Variants in CLCN3 observed in about 807,000 individuals in gnomAD.
CLCN3 encodes the protein H(+)/Cl(-) exchange transporter 3.
Under a neutral mutation model 83.4 loss-of-function variants are expected in CLCN3, and 16 were observed. The ratio of observed to expected loss-of-function variants is 0.19; its 90% CI spans 0.13 to 0.29. The LOEUF is 0.29. CLCN3 is among the 10% of genes least tolerant of loss of function. The pLI, the probability that CLCN3 is intolerant of heterozygous loss-of-function variation, is 1.00. For synonymous variants in CLCN3, 322 were observed against 346.2 expected (o/e 0.93, Z 0.78); for missense variants, 544 against 1,006.0 (o/e 0.54, Z 6.21).
chr4:169,671,010 T>C (rs1249724644), intron 2 of CLCN3, among the ~76,000 whole-genome samples: 2 of 152,188 alleles, frequency 1.3e-5, no homozygotes, highest in Non-Finnish European at 2.9e-5. Flanking sequence ...GAGTGTAAAT[T>C]AGTTCAACCA....
intron 2 of CLCN3, among the ~76,000 whole-genome samples, chr4:169,640,364 T>TA (rs1730374974): frequency 2.0e-5 from 3 of 152,244 alleles, no homozygotes; most frequent in African/African-American, 7.2e-5. Flanking sequence ...CTGACTTCAG[T>TA]AGATATCTGT....
At chr4:169,643,834 C>G (rs969346691) in intron 2 of CLCN3, among the ~76,000 whole-genome samples, 1 of 152,160 alleles carries the variant, frequency 6.6e-6, no homozygotes, top group African/African-American at 2.4e-5. Flanking sequence ...GTGGTGAATA[C>G]AAGTTTTCCA....
chr4:169,710,968 A>G lies in CLCN3; in HGVS notation c.2150-2111A>G, dbSNP rs186984468. 2.0e-4 allele frequency among the ~76,000 whole-genome samples: 31 copies of G among 152,336 alleles called. No individual in the cohort carries two copies. In the East Asian group the frequency reaches 5.6e-3, roughly 28 times the overall value. On this transcript the variant is annotated intron_variant, in intron 11 of 12. Transcript: ENST00000513761. Reference sequence around the variant, plus strand: ...CAACCTCCGGAGCACATGAGATTAGAGACGTGTGCCACTGTATCTGGCCTG... The same window carrying G: ...CAACCTCCGGAGCACATGAGATTAGGGACGTGTGCCACTGTATCTGGCCTG...
At chr4:169,623,604 C>T (rs1213933830) in intron 1 of CLCN3, among the ~76,000 whole-genome samples, 1 of 152,174 alleles carries the variant, frequency 6.6e-6, no homozygotes, top group Non-Finnish European at 1.5e-5. Flanking sequence ...CAATAGATCT[C>T]TAAAACTTAC....
intron 11 of CLCN3, among the ~76,000 whole-genome samples, chr4:169,712,114 C>T (rs1304909443): frequency 6.7e-6 from 1 of 150,232 alleles, no homozygotes; most frequent in Admixed American, 6.6e-5. Context: ...ACTCCTGCCT[C>T]GGCCTCCCAA....
chr4:169,639,274 C>T (rs184080855), intron 2 of CLCN3, among the ~76,000 whole-genome samples: 1 of 152,192 alleles, frequency 6.6e-6, no homozygotes. Flanking sequence ...TCGAACGATC[C>T]TCTTGCCTTG....
chr4:169,631,286 TTTTG>T (rs200459163), intron 1 of CLCN3, among the ~76,000 whole-genome samples: 1,959 of 152,228 alleles, frequency 0.013, 36 homozygotes, highest in African/African-American at 0.044. Context: ...TGCCTACTTT[TTTTG>T]TTTGTTTGTT....
intron 2 of CLCN3, among the ~76,000 whole-genome samples, chr4:169,636,336 G>A (rs113731877): frequency 3.3e-5 from 5 of 152,074 alleles, no homozygotes; most frequent in African/African-American, 1.2e-4. Context: ...TACATTTAAG[G>A]GTAAGCTTTT....
intron 2 of CLCN3, among the ~76,000 whole-genome samples, chr4:169,639,577 C>G (rs1730342125): frequency 6.6e-6 from 1 of 152,176 alleles, no homozygotes; most frequent in Non-Finnish European, 1.5e-5. Context: ...CAGTGAATGT[C>G]CTTTTTTAAG....
chr4:169,656,098 G>A (rs1310630998), intron 2 of CLCN3, among the ~76,000 whole-genome samples: 3 of 150,562 alleles, frequency 2.0e-5, no homozygotes, highest in African/African-American at 4.9e-5. Flanking sequence ...ATTTTGATTC[G>A]GAGAATGACT....
chr4:169,661,310 A>T (rs1279475907), intron 2 of CLCN3, among the ~76,000 whole-genome samples: 1 of 152,192 alleles, frequency 6.6e-6, no homozygotes, highest in African/African-American at 2.4e-5. Flanking sequence ...GAGCCACATT[A>T]GTTTGAATTA....
chr4:169,700,360 C>T (rs1202374619), intron 9 of CLCN3, among the ~76,000 whole-genome samples: 4 of 152,102 alleles, frequency 2.6e-5, no homozygotes, highest in African/African-American at 4.8e-5. Context: ...CAGGTTCAAG[C>T]GATTCTCCTG....
At chr4:169,710,411 A>G (rs576421045) in intron 11 of CLCN3, among the ~76,000 whole-genome samples, 2 of 152,302 alleles carry the variant, frequency 1.3e-5, no homozygotes, top group South Asian at 4.1e-4. Context: ...GACTACAGGC[A>G]TGCGCCACCA....
chr4:169,668,191 T>G (rs1225828480), intron 2 of CLCN3, among the ~76,000 whole-genome samples: 1 of 151,872 alleles, frequency 6.6e-6, no homozygotes, highest in Non-Finnish European at 1.5e-5. Context: ...GTTATTTGTT[T>G]TTTAAATAGA....
At chr4:169,660,063 G>C in intron 2 of CLCN3, 1 of 1,016,960 alleles carries the variant, frequency 9.8e-7, no homozygotes, top group Non-Finnish European at 1.2e-6. Flanking sequence ...TCTCAAACCA[G>C]TTTTGTGTGT....
chr4:169,697,564 C>G lies in CLCN3; in HGVS notation c.1393C>G (p.Pro465Ala). ...LIKELFTDCG[P>A]LESSSLCDYR... The stretch of plus-strand genomic sequence containing the variant: ...CAAAGAGCTTTTTACAGACTGTGGT[C>G]CCCTGGAATCCTCTTCTCTTTGTGA... Residue 465 changes from proline to alanine, a missense_variant, in exon 9 of 13, where the codon CCC becomes GCC. Pro to Ala is a conservative substitution (Grantham distance 27). This residue lies in a region of CLCN3 where 194 missense variants were observed against 341.4 expected (regional missense o/e 0.57). Coordinates refer to ENST00000513761, the MANE Select transcript of CLCN3 (RefSeq NM_001829.4). 1 of 1,614,180 alleles carries G rather than the reference C, an allele frequency of 6.2e-7. No individual in the cohort carries two copies. The highest frequency in any genetic ancestry group is 1.1e-5 in the South Asian group (1 of 91,090).
At chr4:169,683,424 G>A (rs1732024991) in intron 3 of CLCN3, among the ~76,000 whole-genome samples, 1 of 152,184 alleles carries the variant, frequency 6.6e-6, no homozygotes, top group African/African-American at 2.4e-5. Flanking sequence ...GAGCCTGGAA[G>A]TTCTAAGTTA....
At chr4:169,681,392 G>A (rs1180326511) in intron 3 of CLCN3, among the ~76,000 whole-genome samples, 2 of 152,190 alleles carry the variant, frequency 1.3e-5, no homozygotes, top group African/African-American at 4.8e-5. Flanking sequence ...ACTTGTCAAT[G>A]AAAATGACTA....
At chr4:169,704,255 T>G in intron 10 of CLCN3, 71 bp downstream of exon 10, 2 of 1,446,722 alleles carry the variant, frequency 1.4e-6, no homozygotes, top group Non-Finnish European at 1.9e-6. Flanking sequence ...GTGGGACACA[T>G]TCTTGCTTAA....
Sources: gnomAD v4.1 joint callset for allele counts (sites outside exome capture counted in the v4.1 genomes callset) on GRCh38, gnomAD v4.1.1 for gene constraint, gnomAD v4.1.1 regional missense constraint, MANE v1.5 for transcripts, NCBI Gene and HGNC (gene_info 2026-07-23, HGNC 2026-07-21) for gene names.